Variants in ASAP3 observed in about 807,000 individuals in gnomAD.
ASAP3 encodes arf-GAP with SH3 domain, ANK repeat and PH domain-containing protein 3.
A neutral mutation model predicts 118.2 loss-of-function variants in ASAP3; 85 were observed. The ratio of observed to expected loss-of-function variants is 0.72; its 90% CI spans 0.60 to 0.86. ASAP3 has a LOEUF of 0.86. ASAP3 is among the 40% of genes least tolerant of loss of function. The pLI, the probability that ASAP3 is intolerant of heterozygous loss-of-function variation, is 0.00. For synonymous variants in ASAP3, 432 were observed against 477.4 expected, an observed-to-expected ratio of 0.90 and a Z score of 1.24; for missense variants, 1,026 against 1,175.0, an observed-to-expected ratio of 0.87 and a Z score of 1.85.
intron 1 of ASAP3, among the ~76,000 whole-genome samples, chr1:23,483,031 A>C (rs1206987051): frequency 6.6e-6 from 1 of 152,190 alleles, no homozygotes; most frequent in Non-Finnish European, 1.5e-5. Context: ...ACCCTTACAA[A>C]GTGATACAAA....
chr1:23,483,680 T>G (rs891120807), intron 1 of ASAP3, among the ~76,000 whole-genome samples: 2 of 152,058 alleles, frequency 1.3e-5, no homozygotes, highest in African/African-American at 2.4e-5. Flanking sequence ...GCTCCGAAGA[T>G]GAAAACGCAA....
rs1184132863 is a variant in ASAP3, at chr1:23,437,261, T to G, written c.1211A>C (p.Glu404Ala). The G allele has an allele frequency of 6.3e-7, 1 of 1,594,726 alleles. No homozygotes were observed. The highest frequency in any genetic ancestry group is 1.1e-5 in the South Asian group (1 of 89,098). The change falls in exon 14 of 25, where the codon GAG becomes GCG. Residue 404 changes from glutamate (E) to alanine (A), a missense_variant. Physicochemically the swap from Glu to Ala is moderately radical, Grantham distance 107 (BLOSUM62 -1). Coordinates refer to ENST00000336689, the MANE Select transcript of ASAP3 (RefSeq NM_017707.4). The surrounding 1 kb of genome is among the most constrained non-coding windows in gnomAD (Gnocchi z 6.1). Reference sequence around the variant, plus strand: ...CCAGGACCCCGGGCCAGCGCTGGGCTCCCCGAGGAAGGCGCTGCTCAGGGC... The same window carrying G: ...CCAGGACCCCGGGCCAGCGCTGGGCGCCCCGAGGAAGGCGCTGCTCAGGGC... ...DEALSSAFLG[E>A]PSAGPGSWGS...
intron 1 of ASAP3, among the ~76,000 whole-genome samples, chr1:23,465,522 G>A (rs957533170): frequency 6.6e-6 from 1 of 151,518 alleles, no homozygotes; most frequent in Non-Finnish European, 1.5e-5. Context: ...TTTTGGGGGG[G>A]GGATAGACTC....
chr1:23,442,270 T>C lies in ASAP3; in HGVS notation c.587A>G (p.Tyr196Cys). The C allele has an allele frequency of 1.9e-6, 3 of 1,602,728 alleles. No homozygotes were observed. The highest frequency in any genetic ancestry group is 1.7e-6 in the Non-Finnish European group (2 of 1,175,092). Residue 196 changes from tyrosine (Y) to cysteine (C), a missense_variant and splice_region_variant, in exon 7 of 25, where the codon TAT (tyrosine) becomes TGT (cysteine). By Grantham distance (194) the Tyr-to-Cys change is radical. Coordinates refer to ENST00000336689, the MANE Select transcript of ASAP3 (RefSeq NM_017707.4). ...RRIFQLHMCE[Y>C]LLKAGESQMK... ...CTGGCTCTCCCCGGCTTTGAGCAGA[T>C]ACTAGGAGGAGGGCAGGGCAAGATA...
At position 23,437,453 on chromosome 1, in the gene ASAP3, A is replaced by C. The variant is rs902056583; in HGVS notation, c.1122T>G (p.Phe374Leu). 4.3e-6 allele frequency: 7 copies of C among 1,613,968 alleles called. No homozygotes were observed. The African/African-American group carries it at 6.7e-5, about 15-fold the overall frequency. ...DLVTHNRTYHFQAEDEHECEA... is the reference protein window; with the variant it reads ...DLVTHNRTYHLQAEDEHECEA... ...CACACTCGTGCTCGTCCTCTGCCTG[A>C]AAGTGGTACGTCCGGTTGTCTGTCG... is the stretch of plus-strand genomic sequence containing the variant. The change falls in exon 13 of 25, where the codon TTT becomes TTG. Residue 374 changes from phenylalanine (F) to leucine (L), a missense_variant. Phe to Leu is a conservative substitution (Grantham distance 22, BLOSUM62 0). Coordinates refer to ENST00000336689, the MANE Select transcript of ASAP3 (RefSeq NM_017707.4). The surrounding 1 kb of genome is among the most constrained non-coding windows in gnomAD (Gnocchi z 6.1).
rs1640660239 is a variant in ASAP3 at position 23,436,520 on chromosome 1, C to G, written c.1571+40G>C. 6.2e-7 allele frequency: 1 copy of G among 1,604,930 alleles called. No homozygotes were observed. The highest frequency in any genetic ancestry group is 8.5e-7 in the Non-Finnish European group (1 of 1,171,632). On this transcript the variant is annotated intron_variant, in intron 16 of 24. Coordinates refer to ENST00000336689, the MANE Select transcript of ASAP3 (RefSeq NM_017707.4). The surrounding 1 kb of genome is among the most constrained non-coding windows in gnomAD (Gnocchi z 4.2). ...ACCCTGGACACTGCGGAGGCAGAAT[C>G]CCCTAGGCAGGGTGCCCCTCTCTCT...
intron 1 of ASAP3, among the ~76,000 whole-genome samples, chr1:23,458,168 C>T (rs890734355): frequency 2.6e-5 from 4 of 152,232 alleles, no homozygotes; most frequent in South Asian, 2.1e-4. Context: ...ATTAAGGAGA[C>T]GGCATCATAT....
intron 9 of ASAP3, 37 bp downstream of exon 9, chr1:23,441,350 G>A (rs2148617178): frequency 6.2e-7 from 1 of 1,612,052 alleles, no homozygotes; most frequent in Non-Finnish European, 8.5e-7. Flanking sequence ...TGGGCCTTGG[G>A]GGAGGGCATT....
chr1:23,451,516 GTT>G lies in ASAP3; in HGVS notation c.434_435del (p.Lys145ThrfsTer10). ...TAGTCCTTCCATGCCTTCTCCAGCT[GTT>G]TTTTGGAATCCTGTGGGTTAAAAAA... ...QLRDGRQDSK[K>X]QLEKAWKDYE... On this transcript the variant is annotated frameshift_variant, in exon 5 of 25. Coordinates refer to ENST00000336689, the MANE Select transcript of ASAP3 (RefSeq NM_017707.4). LOFTEE classifies it high-confidence loss of function. 1 of 1,614,166 alleles carries G rather than the reference GTT, an allele frequency of 6.2e-7. No homozygotes were observed. Among genetic ancestry groups the G allele is most frequent in the South Asian group, 1.1e-5 (1 of 91,084 alleles).
intron 10 of ASAP3, 124 bp from the exon 11 acceptor site, chr1:23,439,354 C>T (rs755388799): frequency 4.3e-5 from 36 of 836,276 alleles, no homozygotes; most frequent in Middle Eastern, 2.4e-4. Context: ...TCTTTCTTCT[C>T]CTAACCCTAC....
intron 21 of ASAP3, 44 bp downstream of exon 21, chr1:23,433,381 T>C (rs774687482): frequency 6.2e-7 from 1 of 1,613,842 alleles, no homozygotes; most frequent in Non-Finnish European, 8.5e-7. Flanking sequence ...TCTGGCTCTT[T>C]CCTTCTGCCA....
At position 23,431,837 on chromosome 1, in the gene ASAP3, A is replaced by G; in HGVS notation, c.2405T>C (p.Leu802Pro). ...SLGSPASSSS[L>P]MSPLEPGDPS... ...ATCCCCAGGTTCCAAGGGGCTCATC[A>G]GACTGGAGGAGGAGGCTGGACTGCC... Residue 802 changes from leucine to proline, a missense_variant, in exon 23 of 25, where the codon CTG becomes CCG. Coordinates refer to ENST00000336689, the MANE Select transcript of ASAP3 (RefSeq NM_017707.4). The G allele has an allele frequency of 6.3e-7, 1 of 1,584,192 alleles. No homozygotes were observed. Among genetic ancestry groups the G allele is most frequent in the Non-Finnish European group, 8.5e-7 (1 of 1,170,730 alleles).
intron 1 of ASAP3, among the ~76,000 whole-genome samples, chr1:23,480,981 C>A (rs572786673): frequency 6.6e-6 from 1 of 152,210 alleles, no homozygotes; most frequent in South Asian, 2.1e-4. Context: ...GATAAAATAA[C>A]AAGGTTCAGA....
intron 1 of ASAP3, among the ~76,000 whole-genome samples, chr1:23,473,295 G>C (rs910618997): frequency 6.6e-5 from 10 of 152,316 alleles, no homozygotes; most frequent in Non-Finnish European, 1.0e-4. Context: ...CAGCAGCTGA[G>C]ATTCTTAAAA....
At position 23,441,469 on chromosome 1, in the gene ASAP3, T is replaced by A; in HGVS notation, c.752A>T (p.His251Leu). The A allele has an allele frequency of 1.9e-6, 3 of 1,614,072 alleles. No homozygotes were observed. The highest frequency in any genetic ancestry group is 2.5e-6 in the Non-Finnish European group (3 of 1,180,006). Residue 251 changes from histidine (H) to leucine (L), a missense_variant, in exon 9 of 25, where the codon CAT (histidine) becomes CTT (leucine). Physicochemically the swap from His to Leu is moderately conservative, Grantham distance 99 (BLOSUM62 -3). Coordinates refer to ENST00000336689, the MANE Select transcript of ASAP3 (RefSeq NM_017707.4). ...CTGTAGCTCGTCCTCCTGGGCCTGATGGAGCTATGGGACAGAGGATGGGAT... is the reference window on the plus strand; with the variant it reads ...CTGTAGCTCGTCCTCCTGGGCCTGAAGGAGCTATGGGACAGAGGATGGGAT... ...EKLAASVHALHQAQEDELQKL... is the reference protein window; with the variant it reads ...EKLAASVHALLQAQEDELQKL...
At chr1:23,449,141 T>C (rs1641135174) in intron 5 of ASAP3, among the ~76,000 whole-genome samples, 1 of 152,186 alleles carries the variant, frequency 6.6e-6, no homozygotes, top group Non-Finnish European at 1.5e-5. Flanking sequence ...AAAAGCTGGC[T>C]AGGGTAAATG....
chr1:23,434,710 C>T, intron 17 of ASAP3, 92 bp from the exon 18 acceptor site: 1 of 1,248,678 alleles, frequency 8.0e-7, no homozygotes, highest in Admixed American at 2.0e-5. Context: ...AACCCCTTAT[C>T]CCCCCATAGG....
intron 5 of ASAP3, among the ~76,000 whole-genome samples, chr1:23,450,396 G>A (rs761526453): frequency 6.6e-6 from 1 of 152,156 alleles, no homozygotes; most frequent in Admixed American, 6.5e-5. Flanking sequence ...TGGCCACAAT[G>A]TATTTTTTGA....
At chr1:23,452,010 A>G (rs1435689430) in intron 4 of ASAP3, among the ~76,000 whole-genome samples, 1 of 152,212 alleles carries the variant, frequency 6.6e-6, no homozygotes, top group East Asian at 1.9e-4. Context: ...AGTCTACCCC[A>G]GGCCATACAG....
Sources: gnomAD v4.1 joint callset for allele counts (sites outside exome capture counted in the v4.1 genomes callset) on GRCh38, gnomAD v4.1.1 for gene constraint, Gnocchi (gnomAD v3.1) non-coding constraint, MANE v1.5 for transcripts, NCBI Gene and HGNC (gene_info 2026-07-23, HGNC 2026-07-21) for gene names.